Variants in SCCPDH observed in about 807,000 individuals in gnomAD.
SCCPDH encodes the protein saccharopine dehydrogenase-like oxidoreductase.
Under a neutral mutation model 51.5 loss-of-function variants are expected in SCCPDH, and 34 were observed. The observed-to-expected ratio is 0.66, with a 90% CI of 0.50 to 0.88. SCCPDH has a LOEUF of 0.88. Ranked by LOEUF, SCCPDH falls within the 40% of genes least tolerant of loss-of-function variation. SCCPDH has a pLI of 0.00. For synonymous variants in SCCPDH, 187 were observed against 191.3 expected, an observed-to-expected ratio of 0.98 and a Z score of 0.19; for missense variants, 464 against 527.1, an observed-to-expected ratio of 0.88 and a Z score of 1.17.
intron 3 of SCCPDH, among the ~76,000 whole-genome samples, chr1:246,738,494 A>T (rs1208140128): frequency 6.6e-6 from 1 of 150,976 alleles, no homozygotes; most frequent in Non-Finnish European, 1.5e-5. Flanking sequence ...CTGGCGACAG[A>T]GTGGGACTCC....
At chr1:246,724,693 C>T (rs1320358592) in intron 1 of SCCPDH, 81 bp downstream of exon 1, 1 of 1,255,518 alleles carries the variant, frequency 8.0e-7, no homozygotes, top group Non-Finnish European at 1.0e-6. Flanking sequence ...GTTTCTCCCG[C>T]AGGGATGCGC....
chr1:246,767,373 C>T lies in SCCPDH; in HGVS notation c.*73C>T, dbSNP rs1669101353. 2 of 825,176 alleles carry T rather than the reference C, an allele frequency of 2.4e-6. No homozygotes were observed. The highest frequency in any genetic ancestry group is 1.8e-5 in the African/African-American group (1 of 56,900). The allele number at this position is 825,176 out of a possible 1,614,324, so 51.1% of individuals were successfully genotyped here. A position where few individuals can be genotyped will look rare whatever the true frequency, so the allele number is the denominator to read the frequency against. ...TCTCTATTTGATATTTGAAATTCTTCTGTAAGCCTGTCTGAGTGTATGTGG... is the reference window on the plus strand; with the variant it reads ...TCTCTATTTGATATTTGAAATTCTTTTGTAAGCCTGTCTGAGTGTATGTGG... On this transcript the variant is annotated 3_prime_UTR_variant, in exon 12 of 12. Coordinates refer to ENST00000366510, the MANE Select transcript of SCCPDH (RefSeq NM_016002.3).
rs999514708 is a variant in SCCPDH, at chr1:246,768,132, T to G, written c.*832T>G. 2 of 152,170 alleles carry G rather than the reference T, an allele frequency of 1.3e-5. No individual in the cohort carries two copies. The highest frequency in any genetic ancestry group is 2.9e-5 in the Non-Finnish European group (2 of 68,024). 9.4% of individuals were successfully genotyped at this position (152,170 alleles called of 1,614,324 possible). On this transcript the variant is annotated 3_prime_UTR_variant, in exon 12 of 12. Coordinates refer to ENST00000366510, the MANE Select transcript of SCCPDH (RefSeq NM_016002.3). ...AGCATATAATAAACACGTATATACA[T>G]AGCAATCATGTTGTTCATTACCTAA...
In SCCPDH at chr1:246,744,081, TTGAC is replaced by T; in HGVS notation, c.523_526del (p.Thr175LeufsTer6). 1.3e-6 allele frequency: 2 copies of T among 1,595,886 alleles called. No individual in the cohort carries two copies. The highest frequency in any genetic ancestry group is 1.7e-6 in the Non-Finnish European group (2 of 1,165,494). On this transcript the variant is annotated frameshift_variant, in exon 5 of 12. Coordinates refer to ENST00000366510, the MANE Select transcript of SCCPDH (RefSeq NM_016002.3). LOFTEE classifies it high-confidence loss of function. ...CCATTCTCCTACTCTTTTAGGTACT[TTGAC>T]TGCTGTGGAAAGTTTCCTGACTATA... is the stretch of plus-strand genomic sequence containing the variant.
At chr1:246,735,608 T>C (rs1270100318) in intron 2 of SCCPDH, among the ~76,000 whole-genome samples, 1 of 152,256 alleles carries the variant, frequency 6.6e-6, no homozygotes, top group East Asian at 1.9e-4. Context: ...CTTGGCTCAC[T>C]GTAATCTCCA....
At chr1:246,749,783 TATCTC>T (rs898304516) in intron 5 of SCCPDH, among the ~76,000 whole-genome samples, 4 of 152,300 alleles carry the variant, frequency 2.6e-5, no homozygotes, top group South Asian at 2.1e-4. Flanking sequence ...CAAACTAACT[TATCTC>T]AGTTAACAGA....
chr1:246,760,359 T>C, intron 9 of SCCPDH, 132 bp downstream of exon 9: 1 of 728,676 alleles, frequency 1.4e-6, no homozygotes, highest in Non-Finnish European at 2.2e-6. Flanking sequence ...TTATTCAATC[T>C]TTTCAAACAC....
intron 10 of SCCPDH, 78 bp from the exon 11 acceptor site, chr1:246,765,980 C>G: frequency 1.1e-6 from 1 of 941,294 alleles, no homozygotes; most frequent in East Asian, 2.4e-5. Context: ...GATATAAAAT[C>G]TACCATTTGA....
At chr1:246,761,940 T>C (rs1402435643) in intron 9 of SCCPDH, among the ~76,000 whole-genome samples, 1 of 152,204 alleles carries the variant, frequency 6.6e-6, no homozygotes, top group Admixed American at 6.5e-5. Context: ...ATGTGAATTG[T>C]ATATTTAACT....
chr1:246,729,817 G>A (rs376190449), intron 2 of SCCPDH, among the ~76,000 whole-genome samples: 16 of 151,764 alleles, frequency 1.1e-4, no homozygotes, highest in African/African-American at 2.9e-4. Flanking sequence ...AGTAAAGACA[G>A]GTGTAAGAAA....
intron 7 of SCCPDH, 83 bp from the exon 8 acceptor site, chr1:246,759,869 TGGAAG>T: frequency 7.3e-7 from 1 of 1,368,036 alleles, no homozygotes; most frequent in Admixed American, 2.4e-5. Context: ...ACATTTGTGA[TGGAAG>T]AGAAAGGTAC....
chr1:246,724,825 T>TAC (rs1668362910), intron 1 of SCCPDH, among the ~76,000 whole-genome samples: 1 of 152,212 alleles, frequency 6.6e-6, no homozygotes, highest in African/African-American at 2.4e-5. Flanking sequence ...GTGTATAATA[T>TAC]ACACACACAT....
At position 246,760,169 on chromosome 1, in the gene SCCPDH, A is replaced by G. The variant is rs1399923533; in HGVS notation, c.934-2A>G. 6.2e-7 allele frequency: 1 copy of G among 1,604,456 alleles called. No homozygotes were observed. The highest frequency in any genetic ancestry group is 1.7e-5 in the Admixed American group (1 of 58,242). On this transcript the variant is annotated splice_acceptor_variant, in intron 8 of 11. Transcript: ENST00000366510. LOFTEE classifies it high-confidence loss of function. ...TCACTGACGGTTTTTTTTTCCCTTT[A>G]GTTCCCATGGTTCTTCTCCTTTGGC...
At chr1:246,729,927 C>G (rs1007224591) in intron 2 of SCCPDH, among the ~76,000 whole-genome samples, 1 of 152,106 alleles carries the variant, frequency 6.6e-6, no homozygotes, top group Non-Finnish European at 1.5e-5. Flanking sequence ...GTTCGGGGTC[C>G]CTGACTTCCT....
chr1:246,767,167 A>C (rs1369805033), intron 11 of SCCPDH, 28 bp from the exon 12 acceptor site: 1 of 1,519,272 alleles, frequency 6.6e-7, no homozygotes, highest in Non-Finnish European at 9.0e-7. Context: ...AGCTGAGTGC[A>C]CTGTTTTCTC....
In SCCPDH at chr1:246,767,194, G is replaced by T; in HGVS notation, c.1185-1G>T. On this transcript the variant is annotated splice_acceptor_variant, in intron 11 of 11. Transcript: ENST00000366510. LOFTEE classifies it high-confidence loss of function. ...TGTTTTCTCTTGTTATTGTTTTATA[G>T]GGGCGGGGTCTTCACACCTGGAGCA... 6.2e-7 allele frequency: 1 copy of T among 1,601,462 alleles called. No individual in the cohort carries two copies. Among genetic ancestry groups the T allele is most frequent in the Non-Finnish European group, 8.5e-7 (1 of 1,172,896 alleles).
intron 5 of SCCPDH, among the ~76,000 whole-genome samples, chr1:246,746,187 T>C (rs1668758773): frequency 6.6e-6 from 1 of 150,946 alleles, no homozygotes; most frequent in East Asian, 2.0e-4. Context: ...CTCCAACAAC[T>C]GAGCTCCCCG....
intron 5 of SCCPDH, among the ~76,000 whole-genome samples, chr1:246,749,360 C>T (rs1668817355): frequency 6.6e-6 from 1 of 152,184 alleles, no homozygotes; most frequent in Non-Finnish European, 1.5e-5. Flanking sequence ...ACAGTAGCTA[C>T]ATAGGTTTTA....
At chr1:246,745,057 G>A (rs1668737314) in intron 5 of SCCPDH, among the ~76,000 whole-genome samples, 1 of 152,214 alleles carries the variant, frequency 6.6e-6, no homozygotes, top group Admixed American at 6.5e-5. Flanking sequence ...TTTCACCTTA[G>A]TGCAAGTCAG....
Sources: gnomAD v4.1 joint callset for allele counts (sites outside exome capture counted in the v4.1 genomes callset) on GRCh38, gnomAD v4.1.1 for gene constraint, MANE v1.5 for transcripts, NCBI Gene and HGNC (gene_info 2026-07-23, HGNC 2026-07-21) for gene names.